DYNC2I1: variants seen among roughly 807,000 people sequenced by gnomAD.
DYNC2I1 encodes the protein cytoplasmic dynein 2 intermediate chain 1.
In DYNC2I1, 89 loss-of-function variants were observed where a neutral mutation model predicts 133.4. That is an observed-to-expected ratio of 0.67 (90% CI 0.56 to 0.80). The LOEUF (loss-of-function observed/expected upper bound fraction) is 0.80, where lower values mean the gene tolerates loss of function less well. DYNC2I1 is among the 30% of genes least tolerant of loss of function. The probability of loss-of-function intolerance (pLI) is 0.00; values close to 1 mark genes in which losing one functional copy is unlikely to be tolerated. For synonymous variants in DYNC2I1, 504 were observed against 484.3 expected (o/e 1.04, Z -0.54); for missense variants, 1,291 against 1,314.5 (o/e 0.98, Z 0.28).
At chr7:158,931,677 G>GT (rs1850231589) in intron 21 of DYNC2I1, among the ~76,000 whole-genome samples, 1 of 152,134 alleles carries the variant, frequency 6.6e-6, no homozygotes, top group Non-Finnish European at 1.5e-5. Flanking sequence ...CGCTGTTTGG[G>GT]TTTTTTCTTA....
chr7:158,879,985 C>A lies in DYNC2I1; in HGVS notation c.875C>A (p.Ser292Tyr). ...AAAGATGAGCCCAGGAAAAGGGAAT[C>A]CCAGGTACCCCTTCTGATGCTTCGT... ...SAKDEPRKRE[S>Y]QNGEHRNRGA... The change falls in exon 5 of 25, where the codon TCC becomes TAC. Residue 292 changes from serine to tyrosine, a missense_variant. Coordinates refer to ENST00000407559, the MANE Select transcript of DYNC2I1 (RefSeq NM_018051.5). The A allele has an allele frequency of 4.4e-6, 7 of 1,587,974 alleles. No individual in the cohort carries two copies. Among genetic ancestry groups the A allele is most frequent in the Non-Finnish European group, 6.0e-6 (7 of 1,171,526 alleles).
In DYNC2I1 at chr7:158,941,920, C is replaced by T. The variant is rs755877606; in HGVS notation, c.2779-5C>T. Reference sequence around the variant, plus strand: ...CTCAGCAGTGTTCTTTCTTCCTGGTCATAGGCCGGCTGTTCGGACGGAAGC... The same window carrying T: ...CTCAGCAGTGTTCTTTCTTCCTGGTTATAGGCCGGCTGTTCGGACGGAAGC... On this transcript the variant is annotated splice_polypyrimidine_tract_variant and splice_region_variant and intron_variant, in intron 23 of 24. Transcript: ENST00000407559. 6.9e-6 allele frequency: 11 copies of T among 1,593,224 alleles called. No homozygotes were observed. In the Admixed American group the frequency reaches 1.6e-4, roughly 23 times the overall value.
chr7:158,931,689 C>A (rs1412259300), intron 21 of DYNC2I1, among the ~76,000 whole-genome samples: 4 of 152,074 alleles, frequency 2.6e-5, no homozygotes, highest in African/African-American at 9.7e-5. Context: ...TTTTTCTTAC[C>A]CAAAAACTCC....
At chr7:158,958,539 T>G (rs928323830), downstream of DYNC2I1, among the ~76,000 whole-genome samples, 1 of 152,232 alleles carries the variant, frequency 6.6e-6, no homozygotes, top group African/African-American at 2.4e-5. Context: ...CTTCACACAC[T>G]AGAAAGCTCA....
chr7:158,944,773 A>G (rs780673789), intron 24 of DYNC2I1, among the ~76,000 whole-genome samples: 55 of 152,194 alleles, frequency 3.6e-4, no homozygotes, highest in Admixed American at 3.9e-4. Flanking sequence ...TTGGATCTCA[A>G]AGGACAAGTG....
chr7:158,856,107 A>AT (rs530437470), upstream of DYNC2I1, among the ~76,000 whole-genome samples: 3,937 of 141,770 alleles, frequency 0.028, 64 homozygotes, highest in Middle Eastern at 0.052. Flanking sequence ...GCGCCCAGCT[A>AT]TTTTTTTTTT....
At chr7:158,862,955 G>T (rs192183443) in intron 1 of DYNC2I1, among the ~76,000 whole-genome samples, 1 of 151,930 alleles carries the variant, frequency 6.6e-6, no homozygotes. Context: ...TCATGGTCTC[G>T]CTGACTTCAG....
At chr7:158,874,489 C>CT (rs1430151706) in intron 3 of DYNC2I1, among the ~76,000 whole-genome samples, 2 of 152,146 alleles carry the variant, frequency 1.3e-5, no homozygotes, top group Non-Finnish European at 2.9e-5. Context: ...TCAGATCACC[C>CT]TTTTTTGGCT....
At chr7:158,880,076 A>G (rs1160294443) in intron 5 of DYNC2I1, 87 bp downstream of exon 5, 2 of 1,471,392 alleles carry the variant, frequency 1.4e-6, no homozygotes, top group African/African-American at 2.8e-5. Context: ...TCGCCAGACA[A>G]GGTTGAGATT....
intron 6 of DYNC2I1, among the ~76,000 whole-genome samples, chr7:158,884,884 A>G (rs1373401806): frequency 2.0e-5 from 3 of 152,044 alleles, no homozygotes; most frequent in Admixed American, 2.0e-4. Context: ...TTTTAATATT[A>G]TTGTTTGTAT....
intron 23 of DYNC2I1, among the ~76,000 whole-genome samples, chr7:158,939,257 C>T (rs1295295047): frequency 1.4e-5 from 2 of 138,552 alleles, no homozygotes; most frequent in Non-Finnish European, 3.2e-5. Flanking sequence ...TAGACCTCAT[C>T]TCTACAAAAA....
upstream of DYNC2I1, chr7:158,856,475 G>A (rs1385840286): frequency 2.1e-5 from 8 of 381,022 alleles, no homozygotes; most frequent in East Asian, 3.7e-5. Context: ...GAGGGGCCGC[G>A]GGCACGCCGA....
intron 1 of DYNC2I1, among the ~76,000 whole-genome samples, chr7:158,858,850 TTCCTCTCCCC>T (rs1396929811): frequency 1.9e-5 from 1 of 53,744 alleles, no homozygotes; most frequent in East Asian, 7.4e-4. Flanking sequence ...TTCCCCTCCC[TTCCTCTCCCC>T]TCCCCTTTCC....
intron 10 of DYNC2I1, chr7:158,904,029 T>C (rs1359869007): frequency 6.6e-6 from 1 of 152,240 alleles, no homozygotes; most frequent in Non-Finnish European, 1.5e-5. Context: ...CCCTGTTTAA[T>C]GTTGAGCTGG....
At chr7:158,893,437 T>G (rs1845431738) in intron 8 of DYNC2I1, among the ~76,000 whole-genome samples, 2 of 152,174 alleles carry the variant, frequency 1.3e-5, no homozygotes, top group Non-Finnish European at 2.9e-5. Context: ...CAGCCTACCT[T>G]AAATGTGCTC....
chr7:158,958,176 C>T (rs959124458), downstream of DYNC2I1, among the ~76,000 whole-genome samples: 1 of 152,220 alleles, frequency 6.6e-6, no homozygotes, highest in Non-Finnish European at 1.5e-5. Context: ...TGCACCTGCC[C>T]GTCAGCCACA....
chr7:158,946,844 A>G (rs1217185851), downstream of DYNC2I1, among the ~76,000 whole-genome samples: 4 of 152,312 alleles, frequency 2.6e-5, 1 homozygote, highest in East Asian at 5.8e-4. Context: ...GGATGGGCAC[A>G]GTTAGGTCTT....
At chr7:158,839,894 C>T in the DYNC2I1 span, among the ~76,000 whole-genome samples, 3 of 151,988 alleles carry the variant, frequency 2.0e-5, no homozygotes, top group East Asian at 5.8e-4. Context: ...CATCTTGTCT[C>T]GCGGCAGCCC....
downstream of DYNC2I1, among the ~76,000 whole-genome samples, chr7:158,948,510 C>T (rs186821468): frequency 1.5e-4 from 23 of 152,312 alleles, no homozygotes; most frequent in African/African-American, 5.5e-4. Context: ...GGACTGAGCT[C>T]TTGAGGACGG....
Sources: gnomAD v4.1 joint callset for allele counts (sites outside exome capture counted in the v4.1 genomes callset) on GRCh38, gnomAD v4.1.1 for gene constraint, MANE v1.5 for transcripts, NCBI Gene and HGNC (gene_info 2026-07-23, HGNC 2026-07-21) for gene names.